The following HIPK2 variants were observed in gnomAD, a reference collection of about 807,000 sequenced individuals.
HIPK2 encodes the protein homeodomain-interacting protein kinase 2.
A neutral mutation model predicts 113.7 loss-of-function variants in HIPK2; 27 were observed. The observed-to-expected ratio is 0.24, with a 90% confidence interval of 0.17 to 0.33. The LOEUF is 0.33. Ranked by LOEUF, HIPK2 falls within the 10% of genes least tolerant of loss-of-function variation. The pLI, the probability that HIPK2 is intolerant of heterozygous loss-of-function variation, is 1.00. For synonymous variants in HIPK2, 631 were observed against 642.2 expected (o/e 0.98, Z 0.26); for missense variants, 1,257 against 1,588.0 (o/e 0.79, Z 3.54).
intron 14 of HIPK2, among the ~76,000 whole-genome samples, chr7:139,574,898 A>G (rs1798435165): frequency 6.6e-6 from 1 of 152,246 alleles, no homozygotes; most frequent in Admixed American, 6.5e-5. Context: ...ACATTAGACA[A>G]GTCGCTTTGC....
chr7:139,608,369 T>C (rs370272279), intron 9 of HIPK2, among the ~76,000 whole-genome samples: 4 of 132,648 alleles, frequency 3.0e-5, no homozygotes, highest in East Asian at 1.9e-4. Flanking sequence ...TGTATATATA[T>C]ACATATATAC....
At chr7:139,583,244 T>C (rs1474912579) in intron 13 of HIPK2, among the ~76,000 whole-genome samples, 1 of 152,156 alleles carries the variant, frequency 6.6e-6, no homozygotes, top group East Asian at 1.9e-4. Context: ...CAGCCTTTAT[T>C]CCAGGGCCCA....
chr7:139,646,043 T>C (rs150015704), intron 2 of HIPK2, among the ~76,000 whole-genome samples: 2 of 152,242 alleles, frequency 1.3e-5, no homozygotes, highest in East Asian at 3.9e-4. Flanking sequence ...AAACCAAAGT[T>C]TGCCTTCTTG....
At chr7:139,776,417 G>T (rs995599359) in intron 1 of HIPK2, among the ~76,000 whole-genome samples, 2 of 146,338 alleles carry the variant, frequency 1.4e-5, no homozygotes, top group African/African-American at 5.0e-5. Context: ...TTTCTTTTAA[G>T]TTTTTTTTTT....
At chr7:139,754,337 A>C (rs943961828) in intron 1 of HIPK2, among the ~76,000 whole-genome samples, 1 of 152,242 alleles carries the variant, frequency 6.6e-6, no homozygotes, top group Non-Finnish European at 1.5e-5. Context: ...TTCACTTTGC[A>C]TTACTGCTGA....
At chr7:139,750,600 C>T (rs1169054666) in intron 1 of HIPK2, among the ~76,000 whole-genome samples, 4 of 152,170 alleles carry the variant, frequency 2.6e-5, no homozygotes, top group Non-Finnish European at 5.9e-5. Flanking sequence ...TGCATCAAAC[C>T]AGTAGAAGGA....
In HIPK2 at chr7:139,569,684, C is replaced by G. The variant is rs576033506; in HGVS notation, c.*3243G>C. The G allele has an allele frequency of 1.3e-5, 2 of 151,954 alleles. No individual in the cohort carries two copies. The highest frequency in any genetic ancestry group is 4.2e-4 in the South Asian group (2 of 4,812). The allele number at this position is 151,954 out of a possible 1,614,324, so 9.4% of individuals were successfully genotyped here. A position where few individuals can be genotyped will look rare whatever the true frequency, so the allele number is the denominator to read the frequency against. ...TTGTTCTGTGGTGGATCTTTCTTGACGTCTCTTGTTGGGATAGAGATGACA... is the reference window on the plus strand; with the variant it reads ...TTGTTCTGTGGTGGATCTTTCTTGAGGTCTCTTGTTGGGATAGAGATGACA... On this transcript the variant is annotated 3_prime_UTR_variant, in exon 15 of 15. Coordinates refer to ENST00000406875, the MANE Select transcript of HIPK2 (RefSeq NM_022740.5).
chr7:139,625,137 C>A (rs956269971), intron 6 of HIPK2, among the ~76,000 whole-genome samples: 3 of 152,200 alleles, frequency 2.0e-5, no homozygotes, highest in African/African-American at 4.8e-5. Context: ...ATGACACTGG[C>A]CCATCCCTGT....
chr7:139,579,669 T>C (rs1798604291), intron 13 of HIPK2, among the ~76,000 whole-genome samples: 1 of 149,672 alleles, frequency 6.7e-6, no homozygotes, highest in Non-Finnish European at 1.5e-5. Context: ...GGGACAGAAG[T>C]TTCTGGTGCT....
intron 6 of HIPK2, among the ~76,000 whole-genome samples, chr7:139,624,235 G>C (rs1413851666): frequency 6.6e-6 from 1 of 152,114 alleles, no homozygotes; most frequent in Admixed American, 6.5e-5. Flanking sequence ...TGCTGGCCAG[G>C]CTGGTCTGAG....
chr7:139,692,092 T>G (rs28725312), intron 2 of HIPK2, among the ~76,000 whole-genome samples: 52,838 of 152,144 alleles, frequency 0.35, 10,741 homozygotes, highest in Non-Finnish European at 0.45. Context: ...AGACAGTAGA[T>G]GGACAGCTTT....
chr7:139,763,793 G>A (rs957661428), intron 1 of HIPK2, among the ~76,000 whole-genome samples: 3 of 152,210 alleles, frequency 2.0e-5, no homozygotes, highest in Non-Finnish European at 2.9e-5. Flanking sequence ...CTGCGCATGC[G>A]CAGAGCAGCA....
chr7:139,673,260 A>G (rs1224180066), intron 2 of HIPK2, among the ~76,000 whole-genome samples: 2 of 152,186 alleles, frequency 1.3e-5, no homozygotes, highest in Admixed American at 6.5e-5. Context: ...GATCAGCTGG[A>G]AACAAACTGA....
intron 2 of HIPK2, among the ~76,000 whole-genome samples, chr7:139,711,737 CTTGCT>C (rs1232774144): frequency 1.3e-5 from 2 of 151,204 alleles, no homozygotes; most frequent in Non-Finnish European, 2.9e-5. Context: ...CAATTTATTG[CTTGCT>C]CAAAAAAAAA....
intron 2 of HIPK2, among the ~76,000 whole-genome samples, chr7:139,704,458 C>A (rs1375420484): frequency 4.0e-5 from 6 of 148,690 alleles, no homozygotes; most frequent in Non-Finnish European, 8.9e-5. Flanking sequence ...CCAACACATA[C>A]CACACACACA....
chr7:139,610,466 T>A (rs1431302426), intron 9 of HIPK2, among the ~76,000 whole-genome samples: 1 of 152,142 alleles, frequency 6.6e-6, no homozygotes, highest in African/African-American at 2.4e-5. Context: ...TCCCCGCTAC[T>A]GAACTATGCA....
In HIPK2 at chr7:139,624,996, C is replaced by T. The variant is rs542696909; in HGVS notation, c.1619+1605G>A. Among the ~76,000 whole-genome samples, 22 of 152,312 alleles carry T rather than the reference C, an allele frequency of 1.4e-4. No individual in the cohort carries two copies. In the South Asian group the frequency reaches 1.9e-3, roughly 13 times the overall value. ...ACCCTTCTTAAACCACCCTCCACCT[C>T]GTTCTCAACAGATAACCTCATTGCC... On this transcript the variant is annotated intron_variant, in intron 6 of 14. Transcript: ENST00000406875.
intron 2 of HIPK2, among the ~76,000 whole-genome samples, chr7:139,699,811 C>CA: frequency 1.3e-5 from 2 of 152,348 alleles, no homozygotes; most frequent in Admixed American, 1.3e-4. Flanking sequence ...CACTGGGTCA[C>CA]AATCTGCGCA....
intron 12 of HIPK2, among the ~76,000 whole-genome samples, chr7:139,591,983 G>A (rs914261507): frequency 6.6e-6 from 1 of 152,246 alleles, no homozygotes; most frequent in Non-Finnish European, 1.5e-5. Context: ...ATGAGTGTGT[G>A]TGGTTTTTGC....
Sources: allele counts gnomAD v4.1 joint callset (sites outside exome capture counted in the v4.1 genomes callset), GRCh38; gene constraint gnomAD v4.1.1; transcripts MANE v1.5; gene names NCBI Gene and HGNC (gene_info 2026-07-23, HGNC 2026-07-21).